UNC13C: variants seen among roughly 807,000 people sequenced by gnomAD.
UNC13C encodes the protein protein unc-13 homolog C.
UNC13C carries 174 observed loss-of-function variants against 245.4 expected under a neutral mutation model. That is an observed-to-expected ratio of 0.71 (90% CI 0.63 to 0.80). The LOEUF (loss-of-function observed/expected upper bound fraction) is 0.80. UNC13C is among the 30% of genes least tolerant of loss of function. The pLI is 0.00. For synonymous variants in UNC13C, 992 were observed against 895.1 expected, an observed-to-expected ratio of 1.11 and a Z score of -1.93; for missense variants, 2,829 against 2,602.9, an observed-to-expected ratio of 1.09 and a Z score of -1.89.
chr15:54,320,935 C>A, intron 13 of UNC13C: 1 of 360,516 alleles, frequency 2.8e-6, no homozygotes, highest in South Asian at 2.3e-5. Flanking sequence ...AAACTGCTTC[C>A]ATTATTACCA....
intron 4 of UNC13C, among the ~76,000 whole-genome samples, chr15:54,178,406 C>T (rs2141297523): frequency 6.6e-6 from 1 of 152,048 alleles, no homozygotes; most frequent in South Asian, 2.1e-4. Flanking sequence ...AGATGTAATC[C>T]ATCAATTTTT....
Position 54,235,064 on chromosome 15 carries a change from C to T in UNC13C, c.3106C>T (p.Pro1036Ser). ...TGGACTTTATGGTATTGACAGCATG[C>T]CGGATCTTCGCAGAAAAAAAACTTT... is the stretch of plus-strand genomic sequence containing the variant. ...GGGLYGIDSM[P>S]DLRRKKTLPI... Residue 1036 changes from proline to serine, a missense_variant, in exon 5 of 33, where the codon CCG becomes TCG. By Grantham distance (74) the Pro-to-Ser change is moderately conservative. Coordinates refer to ENST00000260323, the MANE Select transcript of UNC13C (RefSeq NM_001080534.3). 1.2e-6 allele frequency: 2 copies of T among 1,613,830 alleles called. No individual in the cohort carries two copies. Among genetic ancestry groups the T allele is most frequent in the Non-Finnish European group, 8.5e-7 (1 of 1,179,806 alleles).
chr15:54,616,296 T>C (rs1166233561), intron 30 of UNC13C, among the ~76,000 whole-genome samples: 2 of 152,080 alleles, frequency 1.3e-5, no homozygotes, highest in African/African-American at 2.4e-5. Flanking sequence ...GTCTACATAA[T>C]TCCTGTGGAG....
chr15:54,236,554 TAAG>T, intron 6 of UNC13C, 119 bp downstream of exon 6: 2 of 783,262 alleles, frequency 2.6e-6, no homozygotes, highest in Non-Finnish European at 4.0e-6. Context: ...CATACAAGAA[TAAG>T]AAGTTTGTTC....
the UNC13C span, among the ~76,000 whole-genome samples, chr15:53,843,137 A>G: frequency 6.6e-6 from 1 of 152,112 alleles, no homozygotes; most frequent in Non-Finnish European, 1.5e-5. Context: ...GAATTGGGTC[A>G]CCTATTTGGT....
intron 19 of UNC13C, among the ~76,000 whole-genome samples, chr15:54,417,917 A>ATGTATGTT (rs2040554709): frequency 6.6e-6 from 1 of 151,048 alleles, no homozygotes; most frequent in African/African-American, 2.4e-5. Flanking sequence ...TATATGTTTT[A>ATGTATGTT]TGTATGTTTG....
chr15:53,985,063 C>T (rs879574742), intron 1 of UNC13C, among the ~76,000 whole-genome samples: 4 of 151,820 alleles, frequency 2.6e-5, no homozygotes, highest in Non-Finnish European at 5.9e-5. Flanking sequence ...TGGTTTGCTG[C>T]ACCTATTGAC....
rs139030122 is a variant in UNC13C, at chr15:54,063,285, G to A, written c.2983+47399G>A. Reference sequence around the variant, plus strand: ...AAATGAGAGTTTGATTTTAGGGAAGGGTAGTTCCAAAGCAAGACACACACG... The same window carrying A: ...AAATGAGAGTTTGATTTTAGGGAAGAGTAGTTCCAAAGCAAGACACACACG... On this transcript the variant is annotated intron_variant, in intron 2 of 32. Transcript: ENST00000260323. Among the ~76,000 whole-genome samples, 430 of 152,198 alleles carry A rather than the reference G, an allele frequency of 2.8e-3. 1 individual carries two copies. Among genetic ancestry groups the A allele is most frequent in the African/African-American group, 1.0e-2 (414 of 41,532 alleles).
At chr15:54,595,219 T>C (rs548446641) in intron 30 of UNC13C, among the ~76,000 whole-genome samples, 1 of 152,218 alleles carries the variant, frequency 6.6e-6, no homozygotes, top group African/African-American at 2.4e-5. Flanking sequence ...GTTATCTCCC[T>C]GAGCAACCTG....
intron 4 of UNC13C, among the ~76,000 whole-genome samples, chr15:54,229,564 A>G (rs2035490695): frequency 6.6e-6 from 1 of 152,184 alleles, no homozygotes; most frequent in Non-Finnish European, 1.5e-5. Flanking sequence ...GTTCATTTAC[A>G]TTGTGAAATG....
chr15:54,158,147 A>G (rs1343831831), intron 4 of UNC13C, among the ~76,000 whole-genome samples: 1 of 152,204 alleles, frequency 6.6e-6, no homozygotes, highest in Admixed American at 6.5e-5. Context: ...CTAGAACTGA[A>G]TTGAGTTGTG....
chr15:54,044,621 A>G (rs1017084491), intron 2 of UNC13C, among the ~76,000 whole-genome samples: 1 of 151,934 alleles, frequency 6.6e-6, no homozygotes, highest in African/African-American at 2.4e-5. Flanking sequence ...TTATTACCTG[A>G]CTTTTTTGTT....
At chr15:54,075,924 T>C (rs1475251868) in intron 2 of UNC13C, among the ~76,000 whole-genome samples, 1 of 152,120 alleles carries the variant, frequency 6.6e-6, no homozygotes, top group Non-Finnish European at 1.5e-5. Context: ...TTAGAGATTA[T>C]CTAGATAATT....
At position 54,290,318 on chromosome 15, in the gene UNC13C, G is replaced by C. The variant is rs986993082; in HGVS notation, c.3819-3577G>C. ...GTGACAGGTTAATAAGAAATAATTAGGGTTCAGGGCCTAGAGAAATGCTCT... is the reference window on the plus strand; with the variant it reads ...GTGACAGGTTAATAAGAAATAATTACGGTTCAGGGCCTAGAGAAATGCTCT... On this transcript the variant is annotated intron_variant, in intron 10 of 32. Transcript: ENST00000260323. Among the ~76,000 whole-genome samples, 7 of 151,954 alleles carry C rather than the reference G, an allele frequency of 4.6e-5. No individual in the cohort carries two copies. The South Asian group carries it at 6.2e-4, about 13-fold the overall frequency.
intron 1 of UNC13C, among the ~76,000 whole-genome samples, chr15:54,000,354 T>A (rs192568957): frequency 1.3e-5 from 2 of 152,184 alleles, no homozygotes; most frequent in East Asian, 3.9e-4. Flanking sequence ...GACACCTCCC[T>A]CCATGGCTAA....
chr15:54,341,758 C>T (rs565232215), intron 17 of UNC13C, among the ~76,000 whole-genome samples: 5 of 152,002 alleles, frequency 3.3e-5, no homozygotes, highest in Middle Eastern at 3.4e-3. Context: ...AGGTAGATCA[C>T]GAGGTCAGGA....
At chr15:54,384,235 A>C (rs1043702945) in intron 17 of UNC13C, among the ~76,000 whole-genome samples, 4 of 152,178 alleles carry the variant, frequency 2.6e-5, no homozygotes, top group African/African-American at 9.6e-5. Flanking sequence ...ACCCGGAGGC[A>C]TCATGCTATC....
In UNC13C at chr15:54,012,791, T is replaced by G. The variant is rs17633589; in HGVS notation, c.-113T>G. On this transcript the variant is annotated 5_prime_UTR_variant, in exon 2 of 33. Coordinates refer to ENST00000260323, the MANE Select transcript of UNC13C (RefSeq NM_001080534.3). ...GAGCCATGCCTGCCCTTCCTGCTCTTTCCAGTGATTCACAGAACTTCTGAA... is the reference window on the plus strand; with the variant it reads ...GAGCCATGCCTGCCCTTCCTGCTCTGTCCAGTGATTCACAGAACTTCTGAA... 44,454 of 832,368 alleles carry G rather than the reference T, an allele frequency of 0.053. 1,500 individuals are homozygous for G. The highest frequency in any genetic ancestry group is 0.067 in the Non-Finnish European group (35,416 of 527,242). The allele number at this position is 832,368 out of a possible 1,614,324, so 51.6% of individuals were successfully genotyped here.
At chr15:54,321,467 G>T (rs2038156714) in intron 13 of UNC13C, 1 of 488,524 alleles carries the variant, frequency 2.0e-6, no homozygotes, top group Non-Finnish European at 4.1e-6. Context: ...TGCGTTCATG[G>T]CTACATCCAC....
Sources: gnomAD v4.1 joint callset for allele counts (sites outside exome capture counted in the v4.1 genomes callset) on GRCh38, gnomAD v4.1.1 for gene constraint, MANE v1.5 for transcripts, NCBI Gene and HGNC (gene_info 2026-07-23, HGNC 2026-07-21) for gene names.